TECPR2: variants seen among roughly 807,000 people sequenced by gnomAD.
TECPR2 encodes the protein tectonin beta-propeller repeat-containing protein 2.
In TECPR2, 65 loss-of-function variants were observed where a neutral mutation model predicts 138.1. That is an observed-to-expected ratio of 0.47 (90% CI 0.39 to 0.58). The LOEUF (loss-of-function observed/expected upper bound fraction) is 0.58. Ranked by LOEUF, TECPR2 falls within the 20% of genes least tolerant of loss-of-function variation. The probability of loss-of-function intolerance (pLI) is 0.00; values close to 1 mark genes in which losing one functional copy is unlikely to be tolerated. For missense variants in TECPR2, 1,553 were observed against 1,824.5 expected, an observed-to-expected ratio of 0.85 and a Z score of 2.71; for synonymous variants, 746 against 749.8, an observed-to-expected ratio of 0.99 and a Z score of 0.08.
chr14:102,455,585 C>T (rs2139759728), intron 16 of TECPR2, among the ~76,000 whole-genome samples: 1 of 151,838 alleles, frequency 6.6e-6, no homozygotes, highest in South Asian at 2.1e-4. Context: ...GTAGCTGGGA[C>T]CACAGACATG....
intron 1 of TECPR2, among the ~76,000 whole-genome samples, chr14:102,366,566 C>CG (rs1247382683): frequency 6.6e-6 from 1 of 152,084 alleles, no homozygotes; most frequent in African/African-American, 2.4e-5. Flanking sequence ...AGACTGGTCT[C>CG]GAACTCCTGG....
chr14:102,414,647 C>T lies in TECPR2; in HGVS notation c.492C>T (p.Asn164=), dbSNP rs370718327. 6.2e-7 allele frequency: 1 copy of T among 1,614,224 alleles called. No homozygotes were observed. The change falls in exon 5 of 20, where the codon AAC becomes AAT. Residue 164 remains asparagine (N), a synonymous_variant. Transcript: ENST00000359520. ...ACTTTCTCTGCCAGGGGCTCTGTAA[C>T]TCCCAGCTGGTGTTGGAGGAGCCAT... The part of the protein sequence containing the change: ...SSLDLDQGLC[N]SQLVLEEPSS...
rs369623093 is a variant in TECPR2 at position 102,440,552 on chromosome 14, C to T, written c.2695C>T (p.Leu899=). The change falls in exon 11 of 20, where the codon CTG becomes TTG. Residue 899 remains leucine (L), a synonymous_variant. Coordinates refer to ENST00000359520, the MANE Select transcript of TECPR2 (RefSeq NM_014844.5). ...EALPQAVFVA[L]SDDTAWIIRT... ...CCTGCCCCAGGCAGTGTTTGTGGCC[C>T]TGAGCGATGACACGGCCTGGATCAT... is the stretch of plus-strand genomic sequence containing the variant. 66 of 1,614,072 alleles carry T rather than the reference C, an allele frequency of 4.1e-5. No individual in the cohort carries two copies. Among genetic ancestry groups the T allele is most frequent in the African/African-American group, 5.3e-5 (4 of 74,928 alleles).
intron 2 of TECPR2, among the ~76,000 whole-genome samples, chr14:102,404,309 A>G (rs1195966890): frequency 6.6e-6 from 1 of 152,148 alleles, no homozygotes; most frequent in Non-Finnish European, 1.5e-5. Context: ...TGGGAGTTTT[A>G]GAATATAAAA....
chr14:102,468,840 AC>A (rs1890605815), intron 17 of TECPR2, among the ~76,000 whole-genome samples: 1 of 152,336 alleles, frequency 6.6e-6, no homozygotes, highest in Admixed American at 6.5e-5. Context: ...ATCGAATTGT[AC>A]CAGCACCATT....
chr14:102,376,916 C>T lies in TECPR2; in HGVS notation c.195C>T (p.Asn65=). 1 of 1,614,010 alleles carries T rather than the reference C, an allele frequency of 6.2e-7. No individual in the cohort carries two copies. The highest frequency in any genetic ancestry group is 2.2e-5 in the East Asian group (1 of 44,878). The change falls in exon 2 of 20, where the codon AAC becomes AAT. Residue 65 remains asparagine, a synonymous_variant. Transcript: ENST00000359520. ...GMLYLYCRHL[N]QMRKYNFEGK... ...TCTATCTGTACTGCCGGCACCTCAA[C>T]CAGATGAGGAAGTACAACTTTGAGG...
chr14:102,378,483 G>A (rs1053782904), intron 2 of TECPR2, among the ~76,000 whole-genome samples: 6 of 152,150 alleles, frequency 3.9e-5, no homozygotes, highest in African/African-American at 1.4e-4. Flanking sequence ...AACTCTCTGA[G>A]GCAGATGTTA....
intron 4 of TECPR2, among the ~76,000 whole-genome samples, chr14:102,409,835 C>T (rs1403787738): frequency 6.6e-6 from 1 of 151,982 alleles, no homozygotes; most frequent in African/African-American, 2.4e-5. Flanking sequence ...GATGGAGTCT[C>T]GCTCTGTTGC....
rs777258630 is a variant in TECPR2 at position 102,376,841 on chromosome 14, C to G, written c.120C>G (p.Ala40=). The G allele has an allele frequency of 4.3e-6, 7 of 1,614,024 alleles. No individual in the cohort carries two copies. The change falls in exon 2 of 20, where the codon GCC becomes GCG. Residue 40 remains alanine, a synonymous_variant. Coordinates refer to ENST00000359520, the MANE Select transcript of TECPR2 (RefSeq NM_014844.5). The part of the protein sequence containing the change: ...GFRSIVVYLT[A]LDTNGDYIAV... ...GCTCTATCGTGGTCTATCTCACGGC[C>G]CTCGACACCAACGGGGACTACATCG...
At chr14:102,396,443 T>A (rs1888317882) in intron 2 of TECPR2, among the ~76,000 whole-genome samples, 1 of 152,182 alleles carries the variant, frequency 6.6e-6, no homozygotes, top group Admixed American at 6.6e-5. Flanking sequence ...ACTTGATTGA[T>A]CAGCATTTTC....
At position 102,431,896 on chromosome 14, in the gene TECPR2, C is replaced by G; in HGVS notation, c.1185C>G (p.Gly395=). Residue 395 remains glycine (G), a synonymous_variant, in exon 8 of 20, where the codon GGC becomes GGG. Coordinates refer to ENST00000359520, the MANE Select transcript of TECPR2 (RefSeq NM_014844.5). The part of the protein sequence containing the change: ...GATVSETRLR[G]SSMASSVASE... ...CAGTTTCTGAGACGAGGCTCAGAGG[C>G]TCTTCCATGGCCAGCTCCGTGGCCA... 1 of 1,609,456 alleles carries G rather than the reference C, an allele frequency of 6.2e-7. No homozygotes were observed. Among genetic ancestry groups the G allele is most frequent in the Non-Finnish European group, 8.5e-7 (1 of 1,176,276 alleles).
Position 102,434,972 on chromosome 14 carries a change from G to A in TECPR2, c.2155G>A (p.Gly719Arg), listed in dbSNP as rs368427685. ...AATACCCATTTCTGAACGTGTCTTG[G>A]GGAGTGTGGGAGGACAGCTGACTCC... Reference protein sequence around the residue: ...KEIPISERVLGSVGGQLTPVS... With the variant: ...KEIPISERVLRSVGGQLTPVS... Residue 719 changes from glycine (G) to arginine (R), a missense_variant, in exon 9 of 20, where the codon GGG (glycine) becomes AGG (arginine). Physicochemically the swap from Gly to Arg is moderately radical, Grantham distance 125. Transcript: ENST00000359520. 10 of 1,613,996 alleles carry A rather than the reference G, an allele frequency of 6.2e-6. No homozygotes were observed. Among genetic ancestry groups the A allele is most frequent in the Admixed American group, 1.7e-5 (1 of 60,010 alleles).
At chr14:102,482,582 G>A (rs1334535170) in intron 17 of TECPR2, among the ~76,000 whole-genome samples, 8 of 152,068 alleles carry the variant, frequency 5.3e-5, no homozygotes, top group Non-Finnish European at 1.2e-4. Flanking sequence ...CCTTTCTCCC[G>A]GATCCCGGGT....
intron 17 of TECPR2, among the ~76,000 whole-genome samples, chr14:102,472,378 T>G (rs1393364940): frequency 3.3e-5 from 5 of 152,224 alleles, no homozygotes; most frequent in African/African-American, 4.8e-5. Context: ...CTTAAAGTGC[T>G]CTATTGACTG....
At chr14:102,374,866 A>G (rs1887602108) in intron 1 of TECPR2, among the ~76,000 whole-genome samples, 1 of 152,170 alleles carries the variant, frequency 6.6e-6, no homozygotes, top group Non-Finnish European at 1.5e-5. Flanking sequence ...CATTTATGCA[A>G]CAAATACTTG....
chr14:102,450,342 A>G (rs1032219816), intron 14 of TECPR2, among the ~76,000 whole-genome samples: 1 of 152,104 alleles, frequency 6.6e-6, no homozygotes, highest in Non-Finnish European at 1.5e-5. Flanking sequence ...TCCCTGCTGC[A>G]TGGCCTCCAC....
At chr14:102,479,241 G>C (rs1890833964) in intron 17 of TECPR2, among the ~76,000 whole-genome samples, 10 of 152,164 alleles carry the variant, frequency 6.6e-5, no homozygotes, top group Admixed American at 6.5e-4. Context: ...AGCAGGTAAA[G>C]AGGCTTGGCC....
At chr14:102,372,140 A>G (rs1297909453) in intron 1 of TECPR2, among the ~76,000 whole-genome samples, 1 of 152,150 alleles carries the variant, frequency 6.6e-6, no homozygotes, top group African/African-American at 2.4e-5. Flanking sequence ...TTGCAGAGTC[A>G]GGATCTTGCC....
intron 5 of TECPR2, 106 bp downstream of exon 5, chr14:102,414,899 A>C (rs1352201881): frequency 7.1e-7 from 1 of 1,411,788 alleles, no homozygotes; most frequent in Admixed American, 2.1e-5. Flanking sequence ...CCTGTTTGCA[A>C]ACCCACAGCG....
Sources: gnomAD v4.1 joint callset for allele counts (sites outside exome capture counted in the v4.1 genomes callset) on GRCh38, gnomAD v4.1.1 for gene constraint, MANE v1.5 for transcripts, NCBI Gene and HGNC (gene_info 2026-07-23, HGNC 2026-07-21) for gene names.